FMNL2: variants seen among roughly 807,000 people sequenced by gnomAD.
The protein encoded by FMNL2 is formin-like protein 2.
In FMNL2, 51 loss-of-function variants were observed where a neutral mutation model predicts 130.2. The ratio of observed to expected loss-of-function variants is 0.39; its 90% CI spans 0.31 to 0.49. FMNL2 has a LOEUF of 0.49. Among genes scored for constraint, FMNL2 ranks in the 20% least tolerant of loss-of-function variants. The probability of loss-of-function intolerance (pLI) is 0.85; values close to 1 mark genes in which losing one functional copy is unlikely to be tolerated. For missense variants in FMNL2, 977 were observed against 1,316.2 expected (o/e 0.74, Z 3.99); for synonymous variants, 465 against 467.1 (o/e 1.00, Z 0.06).
intron 1 of FMNL2, among the ~76,000 whole-genome samples, chr2:152,467,394 T>TA (rs1689610761): frequency 6.6e-6 from 1 of 152,190 alleles, no homozygotes; most frequent in Non-Finnish European, 1.5e-5. Context: ...CGTATGTGCT[T>TA]ACACTAGGAA....
chr2:152,343,567 A>G (rs1257625091), intron 1 of FMNL2, among the ~76,000 whole-genome samples: 1 of 44,182 alleles, frequency 2.3e-5, no homozygotes, highest in Non-Finnish European at 7.6e-5. Context: ...AAGTGCTGGG[A>G]TTACAGGCAT....
At chr2:152,521,884 CA>C in intron 1 of FMNL2, 58 bp from the exon 2 acceptor site, 1 of 1,377,984 alleles carries the variant, frequency 7.3e-7, no homozygotes, top group Non-Finnish European at 1.0e-6. Context: ...TGCAAGTTAC[CA>C]ATTTGGAAGC....
intron 1 of FMNL2, among the ~76,000 whole-genome samples, chr2:152,390,875 T>C (rs909563993): frequency 4.6e-5 from 7 of 152,234 alleles, no homozygotes; most frequent in African/African-American, 1.4e-4. Context: ...TACTGATTTA[T>C]TTCCTCATTT....
At position 152,558,746 on chromosome 2, in the gene FMNL2, C is replaced by T; in HGVS notation, c.366C>T (p.Val122=). The T allele has an allele frequency of 1.9e-6, 3 of 1,608,174 alleles. No individual in the cohort carries two copies. Among genetic ancestry groups the T allele is most frequent in the Non-Finnish European group, 2.5e-6 (3 of 1,177,826 alleles). The change falls in exon 5 of 26, where the codon GTC becomes GTT. Residue 122 remains valine, a synonymous_variant. Transcript: ENST00000288670. ...TTTTTTTTTTCCCCAACAGATGGGT[C>T]AGAGAATTTCTGAATGAAGAAAACA... ...ISLRTNHIGW[V]REFLNEENKG...
At chr2:152,622,124 C>G (rs1216128350) in intron 15 of FMNL2, among the ~76,000 whole-genome samples, 2 of 152,156 alleles carry the variant, frequency 1.3e-5, no homozygotes, top group Non-Finnish European at 2.9e-5. Flanking sequence ...GGCTCCCTTT[C>G]CCCCGGTAGG....
intron 1 of FMNL2, among the ~76,000 whole-genome samples, chr2:152,504,711 A>G (rs1241187492): frequency 6.6e-6 from 1 of 152,194 alleles, no homozygotes. Context: ...GTTTATCAGT[A>G]GACCTAAGAA....
chr2:152,389,824 A>G lies in FMNL2; in HGVS notation c.117+54104A>G. ...CTTTTTCACTGCAGGAGAAGAGGGG[A>G]TGGCAAAGAAGCTTATCATACAGAC... On this transcript the variant is annotated intron_variant, in intron 1 of 25. Coordinates refer to ENST00000288670, the MANE Select transcript of FMNL2 (RefSeq NM_052905.4). The G allele has an allele frequency of 3.2e-6, 4 of 1,247,202 alleles. No homozygotes were observed. In the Admixed American group the frequency reaches 5.3e-5, roughly 17 times the overall value. 77.3% of individuals were successfully genotyped at this position (1,247,202 alleles called of 1,614,324 possible).
At position 152,335,658 on chromosome 2, in the gene FMNL2, G is replaced by C. The variant is rs1681364677; in HGVS notation, c.55G>C (p.Val19Leu). The stretch of plus-strand genomic sequence containing the variant: ...GCAGACCGATTTCAGGGCGCACAAC[G>C]TGCCTTTGAAGCTGCCGATGCCAGA... ...SQQTDFRAHN[V>L]PLKLPMPEPG... Residue 19 changes from valine to leucine, a missense_variant, in exon 1 of 26, where the codon GTG becomes CTG. Around this residue, in one of 4 missense-constraint regions of FMNL2, gnomAD observed 117 missense variants for 134.9 expected, o/e 0.87. Coordinates refer to ENST00000288670, the MANE Select transcript of FMNL2 (RefSeq NM_052905.4). The C allele has an allele frequency of 1.3e-6, 2 of 1,594,190 alleles. No homozygotes were observed. Among genetic ancestry groups the C allele is most frequent in the Non-Finnish European group, 1.7e-6 (2 of 1,170,166 alleles).
At chr2:152,452,972 G>A (rs1423747875) in intron 1 of FMNL2, among the ~76,000 whole-genome samples, 1 of 152,174 alleles carries the variant, frequency 6.6e-6, no homozygotes, top group Non-Finnish European at 1.5e-5. Flanking sequence ...GGGAGGCCAA[G>A]GTGGGTGGAT....
intron 13 of FMNL2, 66 bp from the exon 14 acceptor site, chr2:152,618,780 C>CA (rs1396317521): frequency 7.2e-7 from 1 of 1,388,300 alleles, no homozygotes; most frequent in African/African-American, 1.4e-5. Context: ...CTCAGTTTGC[C>CA]AATCTGATGC....
At chr2:152,649,824 CTAT>C (rs1486774673) in exon 26 of FMNL2, 3 of 152,628 alleles carry the variant, frequency 2.0e-5, no homozygotes, top group African/African-American at 7.2e-5. Context: ...ATTTACACTA[CTAT>C]TCTGTAATAT....
chr2:152,419,437 T>C (rs905801925), intron 1 of FMNL2, among the ~76,000 whole-genome samples: 1 of 152,060 alleles, frequency 6.6e-6, no homozygotes, highest in African/African-American at 2.4e-5. Context: ...ACATGCTAAG[T>C]GAAGTAAGCG....
Position 152,607,405 on chromosome 2 carries a change from G to T in FMNL2, c.943G>T (p.Asp315Tyr). The T allele has an allele frequency of 6.2e-7, 1 of 1,611,410 alleles. No homozygotes were observed. Among genetic ancestry groups the T allele is most frequent in the South Asian group, 1.1e-5 (1 of 90,740 alleles). ...EHFRNEDNNI[D>Y]FMVASMQFIN... is the part of the protein sequence containing the mutation. ...TTTCAGGAATGAAGACAATAACATA[G>T]ATTTTATGGTGAGTTATTTCAGTAT... The change falls in exon 10 of 26, where the codon GAT (aspartate) becomes TAT (tyrosine). Residue 315 changes from aspartate (D) to tyrosine (Y), a missense_variant. Transcript: ENST00000288670.
chr2:152,373,518 A>G (rs1449334451), intron 1 of FMNL2, among the ~76,000 whole-genome samples: 1 of 152,202 alleles, frequency 6.6e-6, no homozygotes, highest in Non-Finnish European at 1.5e-5. Flanking sequence ...ACCAAAATCC[A>G]TGGGTGTTCA....
Position 152,597,551 on chromosome 2 carries a change from G to A in FMNL2, c.877-9788G>A, listed in dbSNP as rs140706092. On this transcript the variant is annotated intron_variant, in intron 9 of 25. Coordinates refer to ENST00000288670, the MANE Select transcript of FMNL2 (RefSeq NM_052905.4). Reference sequence around the variant, plus strand: ...ACTGGCTTTTTAAAACTGAGAATGCGTGGCTGTGGTGAATACAGGGATTAC... The same window carrying A: ...ACTGGCTTTTTAAAACTGAGAATGCATGGCTGTGGTGAATACAGGGATTAC... Among the ~76,000 whole-genome samples the A allele has an allele frequency of 2.8e-3, 431 of 152,248 alleles. 2 individuals are homozygous for A. The highest frequency in any genetic ancestry group is 9.2e-3 in the African/African-American group (383 of 41,538).
intron 1 of FMNL2, among the ~76,000 whole-genome samples, chr2:152,375,877 C>CTCTATATATA (rs796954245): frequency 3.5e-4 from 39 of 112,478 alleles, no homozygotes; most frequent in African/African-American, 1.2e-3. Context: ...CTCTCTCTCT[C>CTCTATATATA]TATATATATA....
At chr2:152,510,326 G>C (rs548862033) in intron 1 of FMNL2, among the ~76,000 whole-genome samples, 2 of 152,322 alleles carry the variant, frequency 1.3e-5, no homozygotes, top group South Asian at 4.1e-4. Context: ...GGGTACTGTG[G>C]CTGTAAAGAG....
rs1691022004 is a variant in FMNL2, at chr2:152,489,522, A to T, written c.118-32421A>T. Among the ~76,000 whole-genome samples the T allele has an allele frequency of 1.3e-5, 2 of 152,356 alleles. 1 individual carries two copies. The highest frequency in any genetic ancestry group is 4.1e-4 in the South Asian group (2 of 4,828). On this transcript the variant is annotated intron_variant, in intron 1 of 25. Coordinates refer to ENST00000288670, the MANE Select transcript of FMNL2 (RefSeq NM_052905.4). ...TGTTTGTTTGAGGGACAAGAATAACATGAAAGAAGGAGCAAGATTAACAGA... is the reference window on the plus strand; with the variant it reads ...TGTTTGTTTGAGGGACAAGAATAACTTGAAAGAAGGAGCAAGATTAACAGA...
intron 1 of FMNL2, among the ~76,000 whole-genome samples, chr2:152,336,124 C>CAAAACAT: frequency 1.9e-5 from 2 of 105,584 alleles, no homozygotes; most frequent in East Asian, 1.7e-3. Context: ...AAACAAAACA[C>CAAAACAT]CCTGAGCCCC....
Sources: allele counts gnomAD v4.1 joint callset (sites outside exome capture counted in the v4.1 genomes callset), GRCh38; gene constraint gnomAD v4.1.1; regional missense constraint gnomAD v4.1.1; transcripts MANE v1.5; gene names NCBI Gene and HGNC (gene_info 2026-07-23, HGNC 2026-07-21).